Variants in JPH1 observed in about 807,000 individuals in gnomAD.
JPH1 encodes the protein junctophilin-1.
In JPH1, 12 loss-of-function variants were observed where a neutral mutation model predicts 53.6. The observed-to-expected ratio is 0.22, with a 90% CI of 0.14 to 0.36. The LOEUF is 0.36. Ranked by LOEUF, JPH1 falls within the 10% of genes least tolerant of loss-of-function variation. JPH1 has a pLI of 1.00. For missense variants in JPH1, 808 were observed against 905.5 expected (o/e 0.89, Z 1.38); for synonymous variants, 375 against 363.8 (o/e 1.03, Z -0.35).
At position 74,235,133 on chromosome 8, in the gene JPH1, A is replaced by T. The variant is rs926164163; in HGVS notation, c.*1918T>A. 4 of 152,322 alleles carry T rather than the reference A, an allele frequency of 2.6e-5. No homozygotes were observed. Among genetic ancestry groups the T allele is most frequent in the Admixed American group, 6.5e-5 (1 of 15,292 alleles). The allele number at this position is 152,322 out of a possible 1,614,324, so 9.4% of individuals were successfully genotyped here. On this transcript the variant is annotated 3_prime_UTR_variant, in exon 6 of 6. Coordinates refer to ENST00000342232, the MANE Select transcript of JPH1 (RefSeq NM_020647.4). ...TAATAAGATTAAATATTTTATTATTATTTTTTTAAAAAACCAGCTTTCCCA... is the reference window on the plus strand; with the variant it reads ...TAATAAGATTAAATATTTTATTATTTTTTTTTTAAAAAACCAGCTTTCCCA...
intron 2 of JPH1, among the ~76,000 whole-genome samples, chr8:74,276,079 T>A (rs1806839535): frequency 6.6e-6 from 1 of 152,188 alleles, no homozygotes; most frequent in South Asian, 2.1e-4. Context: ...GGGTTATGGG[T>A]CATTATTTCT....
chr8:74,288,826 A>C (rs73686593), intron 2 of JPH1, among the ~76,000 whole-genome samples: 4,022 of 152,352 alleles, frequency 0.026, 193 homozygotes, highest in African/African-American at 0.091. Flanking sequence ...GAAGGTGTGA[A>C]ACCACAGACT....
At chr8:74,278,511 A>G (rs1806914552) in intron 2 of JPH1, among the ~76,000 whole-genome samples, 3 of 152,196 alleles carry the variant, frequency 2.0e-5, no homozygotes, top group Admixed American at 6.5e-5. Context: ...TCTTAGTTCC[A>G]GAAGGAGGAA....
At position 74,320,797 on chromosome 8, in the gene JPH1, T is replaced by C; in HGVS notation, c.379+112A>G. The stretch of plus-strand genomic sequence containing the variant: ...GGGGTGGGAGGCGCCCCCAGGTGTT[T>C]TGGCGGGTTTCCGGACACGTGCGCC... On this transcript the variant is annotated intron_variant, in intron 1 of 5. Coordinates refer to ENST00000342232, the MANE Select transcript of JPH1 (RefSeq NM_020647.4). This position sits in a 1 kb window ranked among gnomAD's most constrained non-coding sequence, Gnocchi z 4.4. 1 of 1,285,606 alleles carries C rather than the reference T, an allele frequency of 7.8e-7. No homozygotes were observed. The highest frequency in any genetic ancestry group is 1.0e-6 in the Non-Finnish European group (1 of 987,866). The allele number at this position is 1,285,606 out of a possible 1,614,324, so 79.6% of individuals were successfully genotyped here.
At chr8:74,261,055 G>A (rs941733012) in intron 2 of JPH1, among the ~76,000 whole-genome samples, 1 of 152,134 alleles carries the variant, frequency 6.6e-6, no homozygotes, top group Admixed American at 6.6e-5. Context: ...AAACCATAGA[G>A]ACAGTAAAAA....
At chr8:74,310,523 A>T (rs997762486) in intron 2 of JPH1, among the ~76,000 whole-genome samples, 28 of 152,142 alleles carry the variant, frequency 1.8e-4, no homozygotes, top group African/African-American at 6.3e-4. Flanking sequence ...CTACGATGTG[A>T]TATCTACTAT....
At chr8:74,258,769 T>C (rs138956747) in intron 3 of JPH1, among the ~76,000 whole-genome samples, 1 of 152,268 alleles carries the variant, frequency 6.6e-6, no homozygotes, top group African/African-American at 2.4e-5. Context: ...GAATCAGATA[T>C]TTTAGATTCT....
chr8:74,296,835 T>C (rs1807535534), intron 2 of JPH1, among the ~76,000 whole-genome samples: 1 of 152,312 alleles, frequency 6.6e-6, no homozygotes, highest in South Asian at 2.1e-4. Context: ...ATCAAGCTAA[T>C]AAATATATCC....
chr8:74,290,168 G>C (rs1807281936), intron 2 of JPH1, among the ~76,000 whole-genome samples: 2 of 152,042 alleles, frequency 1.3e-5, no homozygotes, highest in African/African-American at 4.8e-5. Context: ...GCAAGAGAAA[G>C]AAATAAAGGA....
chr8:74,282,721 A>C (rs1178636454), intron 2 of JPH1, among the ~76,000 whole-genome samples: 4 of 152,206 alleles, frequency 2.6e-5, no homozygotes, highest in African/African-American at 9.6e-5. Context: ...GCTAGGTAGG[A>C]GAAATACATT....
At chr8:74,282,160 A>G (rs1586755763) in intron 2 of JPH1, among the ~76,000 whole-genome samples, 1 of 152,310 alleles carries the variant, frequency 6.6e-6, no homozygotes, top group South Asian at 2.1e-4. Context: ...TACTTGCCCA[A>G]GTTGGAGTCA....
At chr8:74,263,836 T>C (rs1451503281) in intron 2 of JPH1, among the ~76,000 whole-genome samples, 1 of 152,208 alleles carries the variant, frequency 6.6e-6, no homozygotes. Flanking sequence ...GAGCCTTCTT[T>C]TGGACTGTGA....
At chr8:74,290,581 A>AT (rs1807294935) in intron 2 of JPH1, among the ~76,000 whole-genome samples, 1 of 152,238 alleles carries the variant, frequency 6.6e-6, no homozygotes, top group African/African-American at 2.4e-5. Context: ...ATTCAATGCC[A>AT]TCCCCATCAA....
intron 2 of JPH1, among the ~76,000 whole-genome samples, chr8:74,290,784 T>C (rs996596341): frequency 8.5e-5 from 13 of 152,058 alleles, no homozygotes; most frequent in Non-Finnish European, 1.9e-4. Flanking sequence ...AAAACAGAGA[T>C]ATAGACCAAT....
rs943848306 is a variant in JPH1 at position 74,244,749 on chromosome 8, T to G, written c.1685A>C (p.His562Pro). The G allele has an allele frequency of 3.7e-6, 6 of 1,613,958 alleles. No individual in the cohort carries two copies. The African/African-American group carries it at 5.3e-5, about 14-fold the overall frequency. The change falls in exon 4 of 6, where the codon CAC (histidine) becomes CCC (proline). Residue 562 changes from histidine (H) to proline (P), a missense_variant. Coordinates refer to ENST00000342232, the MANE Select transcript of JPH1 (RefSeq NM_020647.4). ...GCCGTCCTCCACGTCTACTGGAGGG[T>G]GCTGGGGGGCGTTCAGCTTCACGTA... The part of the protein sequence containing the change: ...GYYVKLNAPQ[H>P]PPVDVEDGDG...
chr8:74,238,969 T>C (rs1199022315), intron 4 of JPH1, among the ~76,000 whole-genome samples: 2 of 152,136 alleles, frequency 1.3e-5, no homozygotes, highest in African/African-American at 4.8e-5. Context: ...AAATGTGGGT[T>C]GTTAAACGAA....
rs1187811324 is a variant in JPH1, at chr8:74,305,437, A to G, written c.1139+9424T>C. Among the ~76,000 whole-genome samples, 7 of 152,272 alleles carry G rather than the reference A, an allele frequency of 4.6e-5. No homozygotes were observed. In the South Asian group the frequency reaches 1.4e-3, roughly 31 times the overall value. ...CAATCCCATTTTGGGGGCTTTCCAG[A>G]AAACATAGGAGTAGGGTGGTTTTCA... On this transcript the variant is annotated intron_variant, in intron 2 of 5. Coordinates refer to ENST00000342232, the MANE Select transcript of JPH1 (RefSeq NM_020647.4).
In JPH1 at chr8:74,258,648, C is replaced by T. The variant is rs145638523; in HGVS notation, c.1258+737G>A. On this transcript the variant is annotated intron_variant, in intron 3 of 5. Coordinates refer to ENST00000342232, the MANE Select transcript of JPH1 (RefSeq NM_020647.4). ...TGAACTTTGAACTTTAGTTCAGATA[C>T]GTTAAAAAAAAGTCACAGTACTGAC... Among the ~76,000 whole-genome samples, 40 of 152,104 alleles carry T rather than the reference C, an allele frequency of 2.6e-4. No individual in the cohort carries two copies. The East Asian group carries it at 6.2e-3, about 23-fold the overall frequency.
At chr8:74,261,386 C>G (rs1377406136) in intron 2 of JPH1, among the ~76,000 whole-genome samples, 3 of 152,112 alleles carry the variant, frequency 2.0e-5, no homozygotes, top group South Asian at 2.1e-4. Flanking sequence ...TTCAATTTTT[C>G]TGATAACTTA....
Sources: allele counts gnomAD v4.1 joint callset (sites outside exome capture counted in the v4.1 genomes callset), GRCh38; gene constraint gnomAD v4.1.1; non-coding constraint Gnocchi (gnomAD v3.1); transcripts MANE v1.5; gene names NCBI Gene and HGNC (gene_info 2026-07-23, HGNC 2026-07-21).